Variants in SCAP observed in about 807,000 individuals in gnomAD.
SCAP encodes the protein sterol regulatory element-binding protein cleavage-activating protein.
A neutral mutation model predicts 123.6 loss-of-function variants in SCAP; 65 were observed. The observed-to-expected ratio is 0.53, with a 90% CI of 0.43 to 0.65. The LOEUF is 0.65. SCAP is among the 30% of genes least tolerant of loss of function. The pLI is 0.00. For missense variants in SCAP, 1,398 were observed against 1,712.5 expected, an observed-to-expected ratio of 0.82 and a Z score of 3.24; for synonymous variants, 740 against 726.3, an observed-to-expected ratio of 1.02 and a Z score of -0.30.
chr3:47,418,659 A>G lies in SCAP; in HGVS notation c.2125T>C (p.Tyr709His), dbSNP rs768982772. 1 of 768,576 alleles carries G rather than the reference A, an allele frequency of 1.3e-6. No homozygotes were observed. Among genetic ancestry groups the G allele is most frequent in the Non-Finnish European group, 2.0e-6 (1 of 504,486 alleles). 47.6% of individuals were successfully genotyped at this position (768,576 alleles called of 1,614,324 possible). A position where few individuals can be genotyped will look rare whatever the true frequency, so the allele number is the denominator to read the frequency against. ...GVQAHGDVTL[Y>H]KVAALGLATG... ...CACCCCACCCAGCAGCCTTACTTGTACAGCGTGACGTCTCCATGGGCCTGC... is the reference window on the plus strand; with the variant it reads ...CACCCCACCCAGCAGCCTTACTTGTGCAGCGTGACGTCTCCATGGGCCTGC... Residue 709 changes from tyrosine to histidine, a missense_variant, in exon 14 of 23, where the codon TAC becomes CAC. Around this residue, in one of 7 missense-constraint regions of SCAP, gnomAD observed 828 missense variants for 882.5 expected, o/e 0.94. Transcript: ENST00000265565.
At chr3:47,470,841 G>T (rs77522610) in intron 1 of SCAP, among the ~76,000 whole-genome samples, 1 of 151,988 alleles carries the variant, frequency 6.6e-6, no homozygotes, top group Non-Finnish European at 1.5e-5. Flanking sequence ...CAGCCTGGGC[G>T]ACAAGAGCAA....
intron 1 of SCAP, among the ~76,000 whole-genome samples, chr3:47,471,219 G>A (rs1219253015): frequency 6.6e-6 from 1 of 152,092 alleles, no homozygotes; most frequent in Non-Finnish European, 1.5e-5. Context: ...GGAAAGGCAA[G>A]GCTCAGAGGG....
chr3:47,428,494 G>C lies in SCAP; in HGVS notation c.410+19C>G, dbSNP rs201269608. 31 of 1,612,524 alleles carry C rather than the reference G, an allele frequency of 1.9e-5. No individual in the cohort carries two copies. Among genetic ancestry groups the C allele is most frequent in the Non-Finnish European group, 2.5e-5 (30 of 1,179,148 alleles). ...TACAGAATGGGATTCAGGGAGGCCA[G>C]GGTCCCTGAGAGGGGTACCTGTCTC... On this transcript the variant is annotated intron_variant, in intron 4 of 22. Coordinates refer to ENST00000265565, the MANE Select transcript of SCAP (RefSeq NM_012235.4).
At chr3:47,423,891 G>T (rs1158282386) in intron 9 of SCAP, 42 bp downstream of exon 9, 2 of 1,397,290 alleles carry the variant, frequency 1.4e-6, no homozygotes, top group East Asian at 2.3e-5. Context: ...CCCCATTCCA[G>T]CCCCTCCTGC....
chr3:47,428,930 C>T, intron 3 of SCAP: 1 of 395,138 alleles, frequency 2.5e-6, no homozygotes, highest in Non-Finnish European at 4.6e-6. Flanking sequence ...TGGAGTTGTG[C>T]AGAATGAGCT....
intron 3 of SCAP, among the ~76,000 whole-genome samples, chr3:47,434,600 G>C (rs995720312): frequency 6.6e-6 from 1 of 152,204 alleles, no homozygotes; most frequent in Non-Finnish European, 1.5e-5. Context: ...CACTTTGGGA[G>C]GCCAAGGCGG....
chr3:47,414,696 C>T (rs766167044), intron 20 of SCAP, 44 bp from the exon 21 acceptor site: 2 of 1,612,202 alleles, frequency 1.2e-6, no homozygotes, highest in Non-Finnish European at 1.7e-6. Context: ...TGGGATTTTC[C>T]AAGTTATACT....
chr3:47,464,265 C>T (rs1707748037), intron 1 of SCAP, among the ~76,000 whole-genome samples: 1 of 152,132 alleles, frequency 6.6e-6, no homozygotes, highest in African/African-American at 2.4e-5. Flanking sequence ...ATCCGCCTGC[C>T]TCGGCCTCTC....
intron 1 of SCAP, among the ~76,000 whole-genome samples, chr3:47,475,035 G>A (rs939031711): frequency 6.6e-6 from 1 of 152,136 alleles, no homozygotes; most frequent in Non-Finnish European, 1.5e-5. Flanking sequence ...GCCGCTTCAC[G>A]ATAAGTATTA....
intron 10 of SCAP, 95 bp from the exon 11 acceptor site, chr3:47,421,124 G>A (rs751147375): frequency 3.2e-6 from 3 of 939,334 alleles, no homozygotes; most frequent in African/African-American, 3.2e-5. Context: ...CTCATAACCG[G>A]CAGGGCAGCA....
In SCAP at chr3:47,420,219, G is replaced by C. The variant is rs919074219; in HGVS notation, c.1563+335C>G. The stretch of plus-strand genomic sequence containing the variant: ...TTCCAGTGTCTGCACACCATGCAGC[G>C]GCCGATGAACCCGACCCAGGGCAAT... On this transcript the variant is annotated intron_variant, in intron 12 of 22. Transcript: ENST00000265565. This position sits in a 1 kb window ranked among gnomAD's most constrained non-coding sequence, Gnocchi z 5.0. Among the ~76,000 whole-genome samples, 1 of 152,198 alleles carries C rather than the reference G, an allele frequency of 6.6e-6. No homozygotes were observed. The highest frequency in any genetic ancestry group is 1.5e-5 in the Non-Finnish European group (1 of 68,034).
rs747663130 is a variant in SCAP, at chr3:47,417,581, C to T, written c.2693G>A (p.Arg898Gln). 38 of 1,592,992 alleles carry T rather than the reference C, an allele frequency of 2.4e-5. No homozygotes were observed. The highest frequency in any genetic ancestry group is 1.7e-4 in the Middle Eastern group (1 of 6,010). Residue 898 changes from arginine (R) to glutamine (Q), a missense_variant, in exon 17 of 23, where the codon CGG becomes CAG. By Grantham distance (43) the Arg-to-Gln change is conservative (BLOSUM62 1). Around this residue, in one of 7 missense-constraint regions of SCAP, gnomAD observed 828 missense variants for 882.5 expected, o/e 0.94. Transcript: ENST00000265565. ...SQPTQPEPRH[R>Q]AVCGRSRDSP... is the part of the protein sequence containing the mutation. ...GTCCCGAGAGCGGCCACAGACCGCC[C>T]GGTGCCGGGGCTCGGGCTGAGTGGG...
Position 47,415,165 on chromosome 3 carries a change from C to T in SCAP, c.3072G>A (p.Arg1024=). The change falls in exon 19 of 23, where the codon CGG becomes CGA. Residue 1024 remains arginine (R), a synonymous_variant. Coordinates refer to ENST00000265565, the MANE Select transcript of SCAP (RefSeq NM_012235.4). ...VFLDKRIVAA[R]LNGSLDFFSL... ...AGAAGAAATCAAGGGAACCGTTGAGCCGTGCAGCCACAATCCTGGAAGAGA... is the reference window on the plus strand; with the variant it reads ...AGAAGAAATCAAGGGAACCGTTGAGTCGTGCAGCCACAATCCTGGAAGAGA... 1.2e-6 allele frequency: 2 copies of T among 1,611,964 alleles called. No individual in the cohort carries two copies. Among genetic ancestry groups the T allele is most frequent in the South Asian group, 1.1e-5 (1 of 90,922 alleles).
chr3:47,437,492 G>C (rs1040880966), intron 2 of SCAP, among the ~76,000 whole-genome samples: 2 of 148,966 alleles, frequency 1.3e-5, no homozygotes, highest in Non-Finnish European at 3.0e-5. Context: ...TGTAATCCCA[G>C]CACTTTGGGA....
chr3:47,422,430 T>C lies in SCAP; in HGVS notation c.1245+12A>G. Reference sequence around the variant, plus strand: ...TCCATGCTCATCCAGGTGGCAGGCCTTGGGGCCTTACCTGGATGGCGGGCA... The same window carrying C: ...TCCATGCTCATCCAGGTGGCAGGCCCTGGGGCCTTACCTGGATGGCGGGCA... On this transcript the variant is annotated intron_variant, in intron 10 of 22. Coordinates refer to ENST00000265565, the MANE Select transcript of SCAP (RefSeq NM_012235.4). The C allele has an allele frequency of 6.2e-7, 1 of 1,611,110 alleles. No homozygotes were observed. Among genetic ancestry groups the C allele is most frequent in the Non-Finnish European group, 8.5e-7 (1 of 1,178,096 alleles).
At chr3:47,448,992 A>G (rs1454186037) in intron 1 of SCAP, among the ~76,000 whole-genome samples, 1 of 152,166 alleles carries the variant, frequency 6.6e-6, no homozygotes, top group Admixed American at 6.6e-5. Context: ...TGCAGCAATC[A>G]ACCTAATTAG....
chr3:47,474,041 G>A (rs761273984), intron 1 of SCAP, among the ~76,000 whole-genome samples: 2 of 151,812 alleles, frequency 1.3e-5, no homozygotes, highest in African/African-American at 2.4e-5. Flanking sequence ...CGAAGCGGAC[G>A]GATCATGAGG....
At chr3:47,448,225 T>C (rs1559560004) in intron 1 of SCAP, among the ~76,000 whole-genome samples, 1 of 152,136 alleles carries the variant, frequency 6.6e-6, no homozygotes, top group Non-Finnish European at 1.5e-5. Context: ...TACCTACCAT[T>C]TCACTTTTTA....
In SCAP at chr3:47,420,164, C is replaced by T. The variant is rs185633157; in HGVS notation, c.1563+390G>A. 2.1e-3 allele frequency among the ~76,000 whole-genome samples: 320 copies of T among 152,340 alleles called. 1 individual carries two copies. Among genetic ancestry groups the T allele is most frequent in the Non-Finnish European group, 3.5e-3 (237 of 68,026 alleles). On this transcript the variant is annotated intron_variant, in intron 12 of 22. Transcript: ENST00000265565. The surrounding 1 kb of genome is among the most constrained non-coding windows in gnomAD (Gnocchi z 5.0). ...CACTGCTGCCCCAAGGCCAGCCCAG[C>T]CCGGCTGGTGAATGATTTTGCCCAG... is the stretch of plus-strand genomic sequence containing the variant.
Sources: gnomAD v4.1 joint callset for allele counts (sites outside exome capture counted in the v4.1 genomes callset) on GRCh38, gnomAD v4.1.1 for gene constraint, gnomAD v4.1.1 regional missense constraint, Gnocchi (gnomAD v3.1) non-coding constraint, MANE v1.5 for transcripts, NCBI Gene and HGNC (gene_info 2026-07-23, HGNC 2026-07-21) for gene names.